Variants in RPS6KA2 observed in about 807,000 individuals in gnomAD.
RPS6KA2 encodes ribosomal protein S6 kinase A2.
Under a neutral mutation model 91.8 loss-of-function variants are expected in RPS6KA2, and 42 were observed. That is an observed-to-expected ratio of 0.46 (90% CI 0.36 to 0.59). The LOEUF (loss-of-function observed/expected upper bound fraction) is 0.59. RPS6KA2 is among the 20% of genes least tolerant of loss of function. The probability of loss-of-function intolerance (pLI) is 0.00; values close to 1 mark genes in which losing one functional copy is unlikely to be tolerated. For missense variants in RPS6KA2, 798 were observed against 978.5 expected (o/e 0.82, Z 2.46); for synonymous variants, 414 against 393.6 (o/e 1.05, Z -0.61).
chr6:166,829,140 C>T (rs768487066), intron 2 of RPS6KA2, among the ~76,000 whole-genome samples: 3 of 152,120 alleles, frequency 2.0e-5, no homozygotes, highest in Non-Finnish European at 4.4e-5. Flanking sequence ...CAGTAAGGCA[C>T]CACTTCACTC....
At chr6:166,779,841 C>T (rs368287946) in intron 2 of RPS6KA2, among the ~76,000 whole-genome samples, 35 of 152,228 alleles carry the variant, frequency 2.3e-4, no homozygotes, top group South Asian at 8.3e-4. Flanking sequence ...CTAGCGTTGC[C>T]GACGGCTGCT....
chr6:166,586,364 T>G (rs2128519109), intron 1 of RPS6KA2: 2 of 1,599,588 alleles, frequency 1.3e-6, no homozygotes, highest in East Asian at 4.5e-5. Flanking sequence ...CCTCAACAAT[T>G]GGAGGAGACT....
chr6:166,488,675 A>T (rs936824641), intron 10 of RPS6KA2, among the ~76,000 whole-genome samples, 158 bp downstream of exon 10: 1 of 152,196 alleles, frequency 6.6e-6, no homozygotes, highest in African/African-American at 2.4e-5. Context: ...TGGAGCTCAG[A>T]TGGCACTGGT....
chr6:166,744,205 CT>C (rs1166982919), intron 2 of RPS6KA2, among the ~76,000 whole-genome samples: 1 of 152,254 alleles, frequency 6.6e-6, no homozygotes, highest in Non-Finnish European at 1.5e-5. Context: ...CTGGATTTTC[CT>C]TTTTAAAAAG....
At chr6:166,862,119 T>C in exon 1 of RPS6KA2, 2 of 1,614,246 alleles carry the variant, frequency 1.2e-6, no homozygotes, top group East Asian at 2.2e-5. Context: ...TCTATTTCCA[T>C]AGGCTCCACC....
At chr6:166,862,284 A>T in exon 1 of RPS6KA2, 1 of 1,583,398 alleles carries the variant, frequency 6.3e-7, no homozygotes, top group East Asian at 2.3e-5. Flanking sequence ...CAAGGGACGC[A>T]GAGGCCGGCG....
intron 2 of RPS6KA2, among the ~76,000 whole-genome samples, chr6:166,758,642 AC>A (rs1460523039): frequency 6.6e-6 from 1 of 152,226 alleles, no homozygotes; most frequent in Non-Finnish European, 1.5e-5. Context: ...AACAGAAGAG[AC>A]CTACCAACTG....
At chr6:166,516,979 A>C (rs1782668854) in intron 3 of RPS6KA2, among the ~76,000 whole-genome samples, 1 of 152,254 alleles carries the variant, frequency 6.6e-6, no homozygotes, top group Admixed American at 6.5e-5. Flanking sequence ...TTTGGAATGA[A>C]GAACATTGTT....
intron 14 of RPS6KA2, among the ~76,000 whole-genome samples, chr6:166,443,271 G>A (rs1294169455): frequency 6.6e-6 from 1 of 152,116 alleles, no homozygotes; most frequent in Non-Finnish European, 1.5e-5. Flanking sequence ...GAAAAGGGGG[G>A]CACTCACAGC....
intron 1 of RPS6KA2, among the ~76,000 whole-genome samples, chr6:166,566,152 C>A (rs1784495673): frequency 6.6e-6 from 1 of 152,184 alleles, no homozygotes; most frequent in Non-Finnish European, 1.5e-5. Context: ...AGGGAACAGA[C>A]CTACTCCCGG....
At chr6:166,586,317 C>T in intron 1 of RPS6KA2, 1 of 1,599,334 alleles carries the variant, frequency 6.3e-7, no homozygotes, top group Non-Finnish European at 8.5e-7. Context: ...CCGATTGCCT[C>T]TGTTTCTTTG....
At chr6:166,820,105 G>A (rs9347157) in intron 2 of RPS6KA2, among the ~76,000 whole-genome samples, 94,441 of 151,272 alleles carry the variant, frequency 0.62, 30,856 homozygotes, top group Non-Finnish European at 0.73. Flanking sequence ...TGCTTGCCAT[G>A]GGCTATCTGT....
intron 2 of RPS6KA2, among the ~76,000 whole-genome samples, chr6:166,667,925 C>T (rs1788361260): frequency 6.6e-6 from 1 of 152,224 alleles, no homozygotes; most frequent in Non-Finnish European, 1.5e-5. Context: ...GGAGTTCCTG[C>T]CTGCGTCGTT....
chr6:166,619,773 T>C (rs767691952), intron 1 of RPS6KA2, among the ~76,000 whole-genome samples: 33 of 152,234 alleles, frequency 2.2e-4, no homozygotes, highest in Middle Eastern at 3.2e-3. Flanking sequence ...CACATGATAT[T>C]ATGGATGTAA....
intron 2 of RPS6KA2, among the ~76,000 whole-genome samples, chr6:166,802,046 A>G (rs956404943): frequency 6.6e-6 from 1 of 152,004 alleles, no homozygotes; most frequent in African/African-American, 2.4e-5. Flanking sequence ...TCATGAGGTC[A>G]GGAGATCGAG....
chr6:166,415,979 A>C, intron 19 of RPS6KA2, among the ~76,000 whole-genome samples: 1 of 120,708 alleles, frequency 8.3e-6, no homozygotes, highest in African/African-American at 3.2e-5. Flanking sequence ...CACCATCTCC[A>C]CCATCATCCT....
In RPS6KA2 at chr6:166,563,347, C is replaced by T. The variant is rs531083672; in HGVS notation, c.100-24563G>A. Among the ~76,000 whole-genome samples the T allele has an allele frequency of 7.2e-5, 11 of 152,302 alleles. No homozygotes were observed. The highest frequency in any genetic ancestry group is 2.2e-4 in the African/African-American group (9 of 41,570). ...GAATCAGCCTCTGTTCCTTCTTTTCCGCAGCTCACCTGTTCCCGGCTTTTC... is the reference window on the plus strand; with the variant it reads ...GAATCAGCCTCTGTTCCTTCTTTTCTGCAGCTCACCTGTTCCCGGCTTTTC... On this transcript the variant is annotated intron_variant, in intron 1 of 20. Transcript: ENST00000265678. This position sits in a 1 kb window ranked among gnomAD's most constrained non-coding sequence, Gnocchi z 4.1.
At chr6:166,753,953 A>G (rs1478074404) in intron 2 of RPS6KA2, among the ~76,000 whole-genome samples, 1 of 152,194 alleles carries the variant, frequency 6.6e-6, no homozygotes, top group Non-Finnish European at 1.5e-5. Flanking sequence ...AATTCTGGAA[A>G]GTGCCTTTGG....
rs1784104923 is a variant in RPS6KA2 at position 166,554,091 on chromosome 6, A to G, written c.100-15307T>C. Among the ~76,000 whole-genome samples the G allele has an allele frequency of 6.6e-6, 1 of 152,198 alleles. No homozygotes were observed. Among genetic ancestry groups the G allele is most frequent in the African/African-American group, 2.4e-5 (1 of 41,438 alleles). ...TCTATCTGTCTGTCCAGGCAAGAAC[A>G]TTTGGAATTTTCTAGTGCAGTTCTT... On this transcript the variant is annotated intron_variant, in intron 1 of 20. Transcript: ENST00000265678. This position sits in a 1 kb window ranked among gnomAD's most constrained non-coding sequence, Gnocchi z 4.3.
Sources: gnomAD v4.1 joint callset for allele counts (sites outside exome capture counted in the v4.1 genomes callset) on GRCh38, gnomAD v4.1.1 for gene constraint, Gnocchi (gnomAD v3.1) non-coding constraint, MANE v1.5 for transcripts, NCBI Gene and HGNC (gene_info 2026-07-23, HGNC 2026-07-21) for gene names.